UGT1A7: variants seen among roughly 807,000 people sequenced by gnomAD.
UGT1A7 encodes UDP glucuronosyltransferase family 1 member A7.
A neutral mutation model predicts 45.6 loss-of-function variants in UGT1A7; 33 were observed. That is an observed-to-expected ratio of 0.72 (90% CI 0.55 to 0.97). UGT1A7 has a LOEUF of 0.97. Ranked by LOEUF, UGT1A7 falls within the 50% of genes least tolerant of loss-of-function variation. UGT1A7 has a pLI of 0.00. For missense variants in UGT1A7, 684 were observed against 666.2 expected, an observed-to-expected ratio of 1.03 and a Z score of -0.29; for synonymous variants, 274 against 250.6, an observed-to-expected ratio of 1.09 and a Z score of -0.88.
In UGT1A7 at chr2:233,720,107, C is replaced by T. The variant is rs542335836; in HGVS notation, c.855+37315C>T. ...GATAATTTTTAGTGGTCCCATCTTGCGAAAGATACAGAGGTGACCACAGGA... is the reference window on the plus strand; with the variant it reads ...GATAATTTTTAGTGGTCCCATCTTGTGAAAGATACAGAGGTGACCACAGGA... On this transcript the variant is annotated intron_variant, in intron 1 of 4. Transcript: ENST00000373426. Among the ~76,000 whole-genome samples, 144 of 152,152 alleles carry T rather than the reference C, an allele frequency of 9.5e-4. 1 individual carries two copies. Among genetic ancestry groups the T allele is most frequent in the African/African-American group, 3.2e-3 (134 of 41,490 alleles).
At chr2:233,712,014 A>G (rs1483051058) in intron 1 of UGT1A7, among the ~76,000 whole-genome samples, 1 of 152,208 alleles carries the variant, frequency 6.6e-6, no homozygotes. Context: ...AACCATTCTT[A>G]TCAGAACTTG....
chr2:233,697,232 TTTTA>T (rs1162508467), intron 1 of UGT1A7, among the ~76,000 whole-genome samples: 1 of 152,140 alleles, frequency 6.6e-6, no homozygotes, highest in Non-Finnish European at 1.5e-5. Context: ...ATGAGAGACT[TTTTA>T]TTACTGCTTC....
chr2:233,687,194 T>C (rs776003891), intron 1 of UGT1A7, among the ~76,000 whole-genome samples: 2 of 152,160 alleles, frequency 1.3e-5, no homozygotes, highest in South Asian at 2.1e-4. Flanking sequence ...ATACCCGTAA[T>C]TGGGTGGGTG....
intron 1 of UGT1A7, among the ~76,000 whole-genome samples, chr2:233,702,022 CA>C (rs999993314): frequency 8.6e-5 from 13 of 150,360 alleles, no homozygotes; most frequent in Admixed American, 3.3e-4. Context: ...AATAGAGACA[CA>C]AAAAAAAACC....
intron 1 of UGT1A7, chr2:233,756,147 T>C (rs1696132697): frequency 6.6e-6 from 1 of 152,212 alleles, no homozygotes; most frequent in Admixed American, 6.5e-5. Flanking sequence ...TTACTGGGGA[T>C]CCCTAGGATT....
chr2:233,729,342 G>T (rs368262266), intron 1 of UGT1A7: 19 of 1,614,080 alleles, frequency 1.2e-5, no homozygotes, highest in Admixed American at 6.7e-5. Context: ...TCAAAGAAGA[G>T]AACTTTTTCA....
In UGT1A7 at chr2:233,760,534, T is replaced by C. The variant is rs56059937; in HGVS notation, c.856-6500T>C. On this transcript the variant is annotated intron_variant, in intron 1 of 4. Coordinates refer to ENST00000373426, the MANE Select transcript of UGT1A7 (RefSeq NM_019077.3). ...CACCTTGAAGACGTACCCTGTGCCA[T>C]TCCAAAGGGAGGATGTGAAAGAGTC... is the stretch of plus-strand genomic sequence containing the variant. 3.7e-6 allele frequency: 6 copies of C among 1,614,240 alleles called. No individual in the cohort carries two copies. Among genetic ancestry groups the C allele is most frequent in the South Asian group, 3.3e-5 (3 of 91,088 alleles).
intron 1 of UGT1A7, among the ~76,000 whole-genome samples, chr2:233,726,813 T>C (rs2077563444): frequency 6.6e-6 from 1 of 152,232 alleles, no homozygotes; most frequent in Non-Finnish European, 1.5e-5. Context: ...GAGGTTTTCC[T>C]CTATTCGACC....
intron 1 of UGT1A7, among the ~76,000 whole-genome samples, chr2:233,737,258 C>A (rs552536149): frequency 6.6e-6 from 1 of 152,360 alleles, no homozygotes; most frequent in Admixed American, 6.5e-5. Context: ...CAAGCCTCAG[C>A]AATGGCGGAC....
chr2:233,728,963 A>G (rs747345180), intron 1 of UGT1A7: 195 of 1,450,970 alleles, frequency 1.3e-4, no homozygotes, highest in Non-Finnish European at 1.6e-4. Flanking sequence ...AGTGAAAAAC[A>G]GTGATAGATT....
intron 1 of UGT1A7, among the ~76,000 whole-genome samples, chr2:233,704,317 G>A (rs1265287357): frequency 3.5e-5 from 4 of 114,658 alleles, no homozygotes; most frequent in African/African-American, 1.5e-4. Flanking sequence ...ATCCTTTAAT[G>A]TTTTTCTTTC....
intron 1 of UGT1A7, among the ~76,000 whole-genome samples, chr2:233,735,224 A>T (rs953132895): frequency 1.3e-5 from 2 of 152,126 alleles, no homozygotes; most frequent in African/African-American, 4.8e-5. Context: ...TATATTTAGG[A>T]TAGTTAGCTC....
chr2:233,748,300 T>C lies in UGT1A7; in HGVS notation c.856-18734T>C, dbSNP rs533693857. ...AAGAAGAGGCAGACATGAATGTTTA[T>C]CAAAGGATGGACTAGGACTGATGTG... On this transcript the variant is annotated intron_variant, in intron 1 of 4. Transcript: ENST00000373426. Among the ~76,000 whole-genome samples, 169 of 151,842 alleles carry C rather than the reference T, an allele frequency of 1.1e-3. 1 individual carries two copies. Among genetic ancestry groups the C allele is most frequent in the Non-Finnish European group, 1.3e-3 (90 of 68,016 alleles).
Position 233,693,203 on chromosome 2 carries a change from T to G in UGT1A7, c.855+10411T>G. 6.2e-7 allele frequency: 1 copy of G among 1,614,132 alleles called. No individual in the cohort carries two copies. Among genetic ancestry groups the G allele is most frequent in the African/African-American group, 1.3e-5 (1 of 75,042 alleles). ...GGTGGTGCCTGAAGTTAATTTGCTT[T>G]TGAAAGAATCCAAATACTACACAAG... On this transcript the variant is annotated intron_variant, in intron 1 of 4. Transcript: ENST00000373426.
At chr2:233,700,738 A>T (rs1433623509) in intron 1 of UGT1A7, among the ~76,000 whole-genome samples, 3 of 152,020 alleles carry the variant, frequency 2.0e-5, no homozygotes, top group Non-Finnish European at 4.4e-5. Context: ...TATTATTATT[A>T]TACTTTAAGT....
At position 233,684,942 on chromosome 2, in the gene UGT1A7, T is replaced by C. The variant is rs578050971; in HGVS notation, c.855+2150T>C. On this transcript the variant is annotated intron_variant, in intron 1 of 4. Coordinates refer to ENST00000373426, the MANE Select transcript of UGT1A7 (RefSeq NM_019077.3). ...TAGACAACAGGATTCATAGTCTGCA[T>C]TTCATCTGTCTGATGAAAAGAAAGC... Among the ~76,000 whole-genome samples the C allele has an allele frequency of 7.6e-4, 108 of 142,990 alleles. 1 individual carries two copies. Among genetic ancestry groups the C allele is most frequent in the African/African-American group, 2.4e-3 (97 of 40,426 alleles). The allele number at this position is 142,990 out of a possible 152,430, so 93.8% of individuals were successfully genotyped here.
At position 233,741,549 on chromosome 2, in the gene UGT1A7, A is replaced by G. The variant is rs1414651717; in HGVS notation, c.856-25485A>G. 1.3e-5 allele frequency: 2 copies of G among 151,888 alleles called. 1 individual carries two copies. The highest frequency in any genetic ancestry group is 4.9e-5 in the African/African-American group (2 of 41,148). 9.4% of individuals were successfully genotyped at this position (151,888 alleles called of 1,614,324 possible). A position where few individuals can be genotyped will look rare whatever the true frequency, so the allele number is the denominator to read the frequency against. ...TCTGTCTTATTCTGATACTTCTTTT[A>G]TGGTTATTGTATGAGAATCAACTAC... On this transcript the variant is annotated intron_variant, in intron 1 of 4. Transcript: ENST00000373426.
intron 1 of UGT1A7, among the ~76,000 whole-genome samples, chr2:233,730,722 G>C (rs2078066355): frequency 6.6e-6 from 1 of 152,104 alleles, no homozygotes; most frequent in Admixed American, 6.6e-5. Flanking sequence ...AAATTATCAA[G>C]AAATGGCGGA....
In UGT1A7 at chr2:233,700,548, G is replaced by T. The variant is rs535853869; in HGVS notation, c.855+17756G>T. Among the ~76,000 whole-genome samples the T allele has an allele frequency of 2.0e-5, 3 of 151,944 alleles. No homozygotes were observed. The East Asian group carries it at 5.8e-4, about 29-fold the overall frequency. Reference sequence around the variant, plus strand: ...ATAACTCTAGGAGAATGAGAATAAGGGGTTATAAAAATATAACTTTATTAT... The same window carrying T: ...ATAACTCTAGGAGAATGAGAATAAGTGGTTATAAAAATATAACTTTATTAT... On this transcript the variant is annotated intron_variant, in intron 1 of 4. Coordinates refer to ENST00000373426, the MANE Select transcript of UGT1A7 (RefSeq NM_019077.3).
Sources: allele counts gnomAD v4.1 joint callset (sites outside exome capture counted in the v4.1 genomes callset), GRCh38; gene constraint gnomAD v4.1.1; transcripts MANE v1.5; gene names NCBI Gene and HGNC (gene_info 2026-07-23, HGNC 2026-07-21).